The following COP1 variants were observed in gnomAD, a reference collection of about 807,000 sequenced individuals.
COP1 encodes the protein E3 ubiquitin-protein ligase COP1.
In COP1, 24 loss-of-function variants were observed where a neutral mutation model predicts 101.3. That is an observed-to-expected ratio of 0.24 (90% CI 0.17 to 0.33). COP1 has a LOEUF of 0.33. Among genes scored for constraint, COP1 ranks in the 10% least tolerant of loss-of-function variants. The probability of loss-of-function intolerance (pLI) is 1.00; values close to 1 mark genes in which losing one functional copy is unlikely to be tolerated. For missense variants in COP1, 663 were observed against 906.2 expected (o/e 0.73, Z 3.45); for synonymous variants, 347 against 341.9 (o/e 1.01, Z -0.17).
Position 176,034,982 on chromosome 1 carries a change from T to G in COP1, c.1613-7294A>C, listed in dbSNP as rs146516864. ...AAAAAACCAACATTTCCCACACAAT[T>G]TAAACAGGACCCAACATCTTACAAT... is the stretch of plus-strand genomic sequence containing the variant. On this transcript the variant is annotated intron_variant, in intron 14 of 19. Coordinates refer to ENST00000367669, the MANE Select transcript of COP1 (RefSeq NM_022457.7). Among the ~76,000 whole-genome samples, 5 of 152,152 alleles carry G rather than the reference T, an allele frequency of 3.3e-5. No individual in the cohort carries two copies. The East Asian group carries it at 9.7e-4, about 29-fold the overall frequency.
chr1:175,972,885 T>G (rs1053349909), intron 18 of COP1, among the ~76,000 whole-genome samples: 3 of 152,122 alleles, frequency 2.0e-5, no homozygotes, highest in Admixed American at 1.3e-4. Flanking sequence ...CAGGCTGGAG[T>G]GCAATGGCAC....
intron 9 of COP1, among the ~76,000 whole-genome samples, chr1:176,114,809 G>C (rs970947456): frequency 4.0e-5 from 6 of 151,704 alleles, no homozygotes; most frequent in African/African-American, 1.4e-4. Flanking sequence ...GCTATATTAG[G>C]GTAATTCTTA....
rs75124417 is a variant in COP1 at position 176,136,495 on chromosome 1, C to G, written c.884G>C (p.Arg295Thr). 2,207 of 1,600,008 alleles carry G rather than the reference C, an allele frequency of 1.4e-3. 60 individuals carry two copies. In the East Asian group the frequency reaches 0.044, roughly 32 times the overall value. ...ELSVLEEDIK[R>T]VEEMSGLYSP... ...AAATTCTTGATTCCTTACTTCCACT[C>G]TCTTAATATCCTCTTCCAAAACACT... is the stretch of plus-strand genomic sequence containing the variant. Residue 295 changes from arginine to threonine, a missense_variant, in exon 7 of 20, where the codon AGA becomes ACA. Transcript: ENST00000367669.
chr1:176,074,414 T>G (rs1359084280), intron 11 of COP1, among the ~76,000 whole-genome samples: 1 of 152,142 alleles, frequency 6.6e-6, no homozygotes, highest in South Asian at 2.1e-4. Context: ...TTCTTGCTAG[T>G]CTTCATCTCT....
chr1:175,956,977 T>G (rs191218848), intron 18 of COP1, among the ~76,000 whole-genome samples: 1 of 151,990 alleles, frequency 6.6e-6, no homozygotes, highest in Admixed American at 6.5e-5. Flanking sequence ...ATAAATACAT[T>G]TAAAAATGGA....
chr1:176,050,504 T>C (rs553374617), intron 11 of COP1, among the ~76,000 whole-genome samples: 63 of 152,206 alleles, frequency 4.1e-4, no homozygotes, highest in Non-Finnish European at 8.4e-4. Flanking sequence ...GTAAGAGCAG[T>C]TGTCAAAGGT....
intron 15 of COP1, among the ~76,000 whole-genome samples, chr1:176,015,221 G>A (rs1406502802): frequency 6.6e-6 from 1 of 152,128 alleles, no homozygotes; most frequent in Non-Finnish European, 1.5e-5. Context: ...AGGAACGCAG[G>A]ATAAATTTAT....
At chr1:176,012,962 G>A (rs1233003989) in intron 15 of COP1, among the ~76,000 whole-genome samples, 1 of 152,060 alleles carries the variant, frequency 6.6e-6, no homozygotes, top group Middle Eastern at 3.2e-3. Flanking sequence ...GTATCCTCGG[G>A]GGAACTGGTT....
At chr1:176,157,947 G>A (rs1693717869) in intron 5 of COP1, among the ~76,000 whole-genome samples, 2 of 152,106 alleles carry the variant, frequency 1.3e-5, no homozygotes, top group African/African-American at 4.8e-5. Flanking sequence ...ACTAGCCTAA[G>A]AGATATGTAA....
intron 1 of COP1, among the ~76,000 whole-genome samples, chr1:176,186,892 A>C (rs1277851244): frequency 1.3e-5 from 2 of 152,262 alleles, no homozygotes; most frequent in Non-Finnish European, 1.5e-5. Flanking sequence ...AAATCAGTGA[A>C]GGTTTCTGGC....
At chr1:175,951,110 G>A (rs1348274238) in intron 18 of COP1, among the ~76,000 whole-genome samples, 3 of 151,914 alleles carry the variant, frequency 2.0e-5, no homozygotes, top group Admixed American at 6.6e-5. Flanking sequence ...TTAGCCAGGC[G>A]TGGTGGCACA....
intron 9 of COP1, among the ~76,000 whole-genome samples, chr1:176,097,315 T>C (rs1261780459): frequency 6.6e-6 from 1 of 152,190 alleles, no homozygotes; most frequent in Non-Finnish European, 1.5e-5. Flanking sequence ...GTTTTCCTCA[T>C]GGAACACCAG....
intron 18 of COP1, among the ~76,000 whole-genome samples, chr1:175,952,839 C>A (rs1031231001): frequency 3.9e-5 from 6 of 152,120 alleles, no homozygotes; most frequent in African/African-American, 1.4e-4. Flanking sequence ...ATCTCTTGAG[C>A]CTAGGAGTTT....
At chr1:176,106,406 C>T (rs1023888554) in intron 9 of COP1, among the ~76,000 whole-genome samples, 1 of 152,154 alleles carries the variant, frequency 6.6e-6, no homozygotes, top group African/African-American at 2.4e-5. Context: ...TGCCTGGCAA[C>T]TAGACAACTA....
At position 176,199,456 on chromosome 1, in the gene COP1, C is replaced by T. The variant is rs536208311; in HGVS notation, c.407+7116G>A. The stretch of plus-strand genomic sequence containing the variant: ...TATTTTTACCCTAAAAATGTGAAGA[C>T]GTGTCTGCACAAAAACCTGAATGCT... On this transcript the variant is annotated intron_variant, in intron 1 of 19. Transcript: ENST00000367669. Among the ~76,000 whole-genome samples, 23 of 152,228 alleles carry T rather than the reference C, an allele frequency of 1.5e-4. No homozygotes were observed. In the South Asian group the frequency reaches 3.9e-3, roughly 26 times the overall value.
At chr1:176,042,820 G>A (rs1271579700) in intron 14 of COP1, among the ~76,000 whole-genome samples, 1 of 150,742 alleles carries the variant, frequency 6.6e-6, no homozygotes. Flanking sequence ...CTTGAGGTCA[G>A]GAGTTTGATA....
chr1:175,965,708 C>T (rs1280490135), intron 18 of COP1, among the ~76,000 whole-genome samples: 1 of 152,092 alleles, frequency 6.6e-6, no homozygotes, highest in Non-Finnish European at 1.5e-5. Flanking sequence ...CCTGCTTCAG[C>T]CTCCTGAGTA....
chr1:175,944,920 G>C lies in COP1; in HGVS notation c.*233C>G, dbSNP rs575180933. ...CACAAAAATTAGATAACACCACCAA[G>C]AGCAGCAATGTCCATGGAGTTACAT... is the stretch of plus-strand genomic sequence containing the variant. On this transcript the variant is annotated 3_prime_UTR_variant, in exon 20 of 20. Coordinates refer to ENST00000367669, the MANE Select transcript of COP1 (RefSeq NM_022457.7). 15 of 452,478 alleles carry C rather than the reference G, an allele frequency of 3.3e-5. No individual in the cohort carries two copies. In the East Asian group the frequency reaches 5.4e-4, roughly 16 times the overall value. The allele number at this position is 452,478 out of a possible 1,614,324, so 28.0% of individuals were successfully genotyped here.
intron 15 of COP1, among the ~76,000 whole-genome samples, chr1:176,022,677 A>G (rs770938349): frequency 1.1e-4 from 16 of 152,214 alleles, no homozygotes; most frequent in Non-Finnish European, 2.4e-4. Flanking sequence ...GTACAATGAA[A>G]GGCAATGAAT....
Sources: gnomAD v4.1 joint callset for allele counts (sites outside exome capture counted in the v4.1 genomes callset) on GRCh38, gnomAD v4.1.1 for gene constraint, MANE v1.5 for transcripts, NCBI Gene and HGNC (gene_info 2026-07-23, HGNC 2026-07-21) for gene names.